Variants in ADGRB3 observed in about 807,000 individuals in gnomAD.
ADGRB3 encodes brain-specific angiogenesis inhibitor 3.
Under a neutral mutation model 193.4 loss-of-function variants are expected in ADGRB3, and 37 were observed. The ratio of observed to expected loss-of-function variants is 0.19; its 90% CI spans 0.15 to 0.25. The LOEUF is 0.25. Ranked by LOEUF, ADGRB3 falls within the 10% of genes least tolerant of loss-of-function variation. ADGRB3 has a pLI of 1.00. For missense variants in ADGRB3, 1,637 were observed against 1,852.9 expected (o/e 0.88, Z 2.14); for synonymous variants, 690 against 644.2 (o/e 1.07, Z -1.08).
At chr6:68,868,994 T>C (rs904337010) in intron 3 of ADGRB3, among the ~76,000 whole-genome samples, 1 of 151,880 alleles carries the variant, frequency 6.6e-6, no homozygotes, top group African/African-American at 2.4e-5. Context: ...TAAAATTCTG[T>C]GCTTTTGTTT....
intron 20 of ADGRB3, among the ~76,000 whole-genome samples, chr6:69,279,079 A>ATG (rs1364831826): frequency 5.0e-5 from 3 of 60,084 alleles, no homozygotes; most frequent in Non-Finnish European, 1.0e-4. Flanking sequence ...ATGTATATAT[A>ATG]TATATATATA....
At position 68,956,807 on chromosome 6, in the gene ADGRB3, C is replaced by G; in HGVS notation, c.1523C>G (p.Pro508Arg). The G allele has an allele frequency of 6.2e-7, 1 of 1,612,392 alleles. No individual in the cohort carries two copies. Among genetic ancestry groups the G allele is most frequent in the Middle Eastern group, 1.7e-4 (1 of 6,052 alleles). Residue 508 changes from proline to arginine, a missense_variant and splice_region_variant, in exon 8 of 32, where the codon CCT (proline) becomes CGT (arginine). Coordinates refer to ENST00000370598, the MANE Select transcript of ADGRB3 (RefSeq NM_001704.3). ...AGAAGATGCAATGAGCAGCGATGCCCTGGTGAGAATGAACCCAAATTATCC... is the reference window on the plus strand; with the variant it reads ...AGAAGATGCAATGAGCAGCGATGCCGTGGTGAGAATGAACCCAAATTATCC... ...EVRRCNEQRCPAPYEICPEDY... is the reference protein window; with the variant it reads ...EVRRCNEQRCRAPYEICPEDY...
At chr6:68,774,270 G>A (rs780005271) in intron 3 of ADGRB3, among the ~76,000 whole-genome samples, 1 of 151,614 alleles carries the variant, frequency 6.6e-6, no homozygotes, top group African/African-American at 2.4e-5. Context: ...CAAAGGTAGT[G>A]TAGGAAGCAG....
chr6:69,324,885 C>G lies in ADGRB3; in HGVS notation c.2828C>G (p.Thr943Ser). The G allele has an allele frequency of 1.9e-6, 3 of 1,613,660 alleles. No individual in the cohort carries two copies. The South Asian group carries it at 3.3e-5, about 18-fold the overall frequency. The change falls in exon 21 of 32, where the codon ACC (threonine) becomes AGC (serine). Residue 943 changes from threonine to serine, a missense_variant. Thr to Ser is a moderately conservative substitution (Grantham distance 58). This residue lies in a region of ADGRB3 where 87 missense variants were observed against 161.0 expected (regional missense o/e 0.54). Coordinates refer to ENST00000370598, the MANE Select transcript of ADGRB3 (RefSeq NM_001704.3). ...TTGTTTCCACAGAGTATCTGCACAA[C>G]CACCACTGCATTTTTGCACTTTTTC... ...TQTHNKSICT[T>S]TTAFLHFFFL... is the part of the protein sequence containing the mutation.
chr6:69,071,076 A>G (rs549184426), intron 16 of ADGRB3, among the ~76,000 whole-genome samples: 1 of 152,306 alleles, frequency 6.6e-6, no homozygotes, highest in South Asian at 2.1e-4. Context: ...TCATCCTTGT[A>G]TCACAGTGCC....
chr6:68,686,838 T>A (rs1341453308), intron 3 of ADGRB3, among the ~76,000 whole-genome samples: 1 of 152,204 alleles, frequency 6.6e-6, no homozygotes, highest in Non-Finnish European at 1.5e-5. Flanking sequence ...TGGGGCATTG[T>A]CAACATTAAC....
Position 69,354,347 on chromosome 6 carries a change from C to G in ADGRB3, c.3555+19C>G. ...AATCATGGTGAGTTTTTATTTTTCC[C>G]CGATTGTTAATTAACTCATGATTTC... On this transcript the variant is annotated intron_variant, in intron 27 of 31. Coordinates refer to ENST00000370598, the MANE Select transcript of ADGRB3 (RefSeq NM_001704.3). 6.4e-7 allele frequency: 1 copy of G among 1,571,394 alleles called. No individual in the cohort carries two copies. Among genetic ancestry groups the G allele is most frequent in the Non-Finnish European group, 8.8e-7 (1 of 1,141,564 alleles).
At chr6:68,699,557 A>T (rs1275281322) in intron 3 of ADGRB3, among the ~76,000 whole-genome samples, 1 of 151,896 alleles carries the variant, frequency 6.6e-6, no homozygotes, top group Non-Finnish European at 1.5e-5. Context: ...ATTTCTACTC[A>T]GACAATCTCT....
At chr6:68,814,610 T>C (rs1480255556) in intron 3 of ADGRB3, among the ~76,000 whole-genome samples, 1 of 152,160 alleles carries the variant, frequency 6.6e-6, no homozygotes, top group African/African-American at 2.4e-5. Flanking sequence ...GTTTTATACA[T>C]GAAGTCCTTG....
At chr6:68,676,778 A>G (rs1338515203) in intron 3 of ADGRB3, among the ~76,000 whole-genome samples, 1 of 152,216 alleles carries the variant, frequency 6.6e-6, no homozygotes, top group Non-Finnish European at 1.5e-5. Flanking sequence ...TACAGTTCTT[A>G]TGTGCATATA....
intron 17 of ADGRB3, among the ~76,000 whole-genome samples, chr6:69,142,410 C>T (rs899757782): frequency 6.6e-6 from 1 of 152,150 alleles, no homozygotes; most frequent in Non-Finnish European, 1.5e-5. Context: ...GGAAGGGCTT[C>T]ATGCATGGCC....
At position 69,058,719 on chromosome 6, in the gene ADGRB3, T is replaced by C. The variant is rs1771622810; in HGVS notation, c.2334-4215T>C. 3.3e-5 allele frequency among the ~76,000 whole-genome samples: 5 copies of C among 152,124 alleles called. 1 individual carries two copies. The South Asian group carries it at 1.0e-3, about 31-fold the overall frequency. ...CTTTGATCCGCTGGTTGTTCAAAAG[T>C]GTGCTGTTTGATTTCTACATATTTC... is the stretch of plus-strand genomic sequence containing the variant. On this transcript the variant is annotated intron_variant, in intron 15 of 31. Coordinates refer to ENST00000370598, the MANE Select transcript of ADGRB3 (RefSeq NM_001704.3).
chr6:69,092,103 C>T (rs1772726838), intron 17 of ADGRB3, among the ~76,000 whole-genome samples: 1 of 152,314 alleles, frequency 6.6e-6, no homozygotes, highest in Non-Finnish European at 1.5e-5. Context: ...CCTCCAGAGA[C>T]TTCTTCACCT....
intron 20 of ADGRB3, among the ~76,000 whole-genome samples, chr6:69,265,143 T>C (rs1446759228): frequency 6.6e-6 from 1 of 151,950 alleles, no homozygotes; most frequent in African/African-American, 2.4e-5. Flanking sequence ...TAGAGCTTTT[T>C]AAAGCTGGGA....
chr6:69,331,437 G>T, intron 23 of ADGRB3: 1 of 499,602 alleles, frequency 2.0e-6, no homozygotes, highest in Non-Finnish European at 2.6e-6. Context: ...ATTTCTAATT[G>T]GAAAGTTACT....
chr6:69,271,923 A>ATTTTTCC (rs1767190414), intron 20 of ADGRB3, among the ~76,000 whole-genome samples: 1 of 152,214 alleles, frequency 6.6e-6, no homozygotes, highest in Non-Finnish European at 1.5e-5. Context: ...TGCTTATAAA[A>ATTTTTCC]TTGCAGTGTA....
intron 3 of ADGRB3, among the ~76,000 whole-genome samples, chr6:68,792,862 CTG>C: frequency 6.6e-6 from 1 of 152,290 alleles, no homozygotes; most frequent in Admixed American, 6.5e-5. Context: ...TCCATGGACA[CTG>C]TGTAATATTT....
chr6:69,184,303 G>A (rs1433557179), intron 17 of ADGRB3, among the ~76,000 whole-genome samples: 1 of 152,068 alleles, frequency 6.6e-6, no homozygotes, highest in Non-Finnish European at 1.5e-5. Context: ...TCAGACAAAT[G>A]GGTGTGATAG....
intron 3 of ADGRB3, among the ~76,000 whole-genome samples, chr6:68,805,298 G>A: frequency 6.6e-6 from 1 of 152,074 alleles, no homozygotes; most frequent in East Asian, 1.9e-4. Flanking sequence ...GCCATCTTTA[G>A]ATGAATCTGT....
Sources: allele counts gnomAD v4.1 joint callset (sites outside exome capture counted in the v4.1 genomes callset), GRCh38; gene constraint gnomAD v4.1.1; regional missense constraint gnomAD v4.1.1; transcripts MANE v1.5; gene names NCBI Gene and HGNC (gene_info 2026-07-23, HGNC 2026-07-21).